Variants in TGM1 observed in about 807,000 individuals in gnomAD.
TGM1 encodes protein-glutamine gamma-glutamyltransferase K.
TGM1 carries 63 observed loss-of-function variants against 88.7 expected under a neutral mutation model. The ratio of observed to expected loss-of-function variants is 0.71; its 90% confidence interval spans 0.58 to 0.88. TGM1 has a LOEUF of 0.88. Among genes scored for constraint, TGM1 ranks in the 40% least tolerant of loss-of-function variants. TGM1 has a pLI of 0.00. For synonymous variants in TGM1, 415 were observed against 431.1 expected, an observed-to-expected ratio of 0.96 and a Z score of 0.46; for missense variants, 996 against 1,118.0, an observed-to-expected ratio of 0.89 and a Z score of 1.56.
At chr14:24,260,305 C>T (rs897714577) in intron 4 of TGM1, 145 bp downstream of exon 4, 13 of 1,371,330 alleles carry the variant, frequency 9.5e-6, no homozygotes, top group Admixed American at 2.0e-5. Flanking sequence ...CTTTCTGCAC[C>T]AGGCCTCGGT....
rs774734278 is a variant in TGM1 at position 24,254,305 on chromosome 14, C to A, written c.2089-17G>T. The A allele has an allele frequency of 2.5e-6, 4 of 1,613,962 alleles. No homozygotes were observed. The South Asian group carries it at 4.4e-5, about 18-fold the overall frequency. On this transcript the variant is annotated splice_polypyrimidine_tract_variant and intron_variant, in intron 13 of 14. Transcript: ENST00000206765. ...TCCCAGTAACTGAGAGAAAAAGAGG[C>A]CCATCCCCCACGTCAGAGACCCTGG...
At chr14:24,257,218 G>A (rs1259219568) in intron 9 of TGM1, among the ~76,000 whole-genome samples, 1 of 152,202 alleles carries the variant, frequency 6.6e-6, no homozygotes, top group Non-Finnish European at 1.5e-5. Context: ...GCACTGGGAA[G>A]AGGCCAGGGG....
rs139569235 is a variant in TGM1, at chr14:24,262,181, C to A, written c.172G>T (p.Asp58Tyr). Residue 58 changes from aspartate (D) to tyrosine (Y), a missense_variant, in exon 2 of 15, where the codon GAT becomes TAT. By Grantham distance (160) the Asp-to-Tyr change is radical. Transcript: ENST00000206765. Reference protein sequence around the residue: ...CGCCSCRNAADDDWGPEPSDS... With the variant: ...CGCCSCRNAAYDDWGPEPSDS... ...GAGGGTTCAGGTCCCCAGTCGTCATCTGCCGCATTTCGGCATGAACAGCAG... is the reference window on the plus strand; with the variant it reads ...GAGGGTTCAGGTCCCCAGTCGTCATATGCCGCATTTCGGCATGAACAGCAG... 4 of 1,613,746 alleles carry A rather than the reference C, an allele frequency of 2.5e-6. No homozygotes were observed. The highest frequency in any genetic ancestry group is 3.4e-6 in the Non-Finnish European group (4 of 1,180,040).
rs769204455 is a variant in TGM1, at chr14:24,254,928, G to C, written c.1927+44C>G. The C allele has an allele frequency of 1.9e-6, 3 of 1,613,076 alleles. No individual in the cohort carries two copies. In the Admixed American group the frequency reaches 5.0e-5, roughly 27 times the overall value. On this transcript the variant is annotated intron_variant, in intron 12 of 14. Coordinates refer to ENST00000206765, the MANE Select transcript of TGM1 (RefSeq NM_000359.3). ...GGGTCTCCATGTCCACAGCCCTGAG[G>C]TGCCCAGCCATCCAGGGGGCAGGGC...
chr14:24,259,905 C>G lies in TGM1; in HGVS notation c.876+35G>C, dbSNP rs1566379449. The G allele has an allele frequency of 1.9e-6, 3 of 1,610,406 alleles. No homozygotes were observed. Among genetic ancestry groups the G allele is most frequent in the African/African-American group, 1.3e-5 (1 of 74,994 alleles). ...AGCCCCCACACCCACCCCAGCTCCTCTGGGTGTATGTGACCCTGGCCAGCC... is the reference window on the plus strand; with the variant it reads ...AGCCCCCACACCCACCCCAGCTCCTGTGGGTGTATGTGACCCTGGCCAGCC... On this transcript the variant is annotated intron_variant, in intron 5 of 14. Transcript: ENST00000206765. This position sits in a 1 kb window ranked among gnomAD's most constrained non-coding sequence, Gnocchi z 5.7.
At position 24,255,949 on chromosome 14, in the gene TGM1, T is replaced by A. The variant is rs759790259; in HGVS notation, c.1491+40A>T. The A allele has an allele frequency of 5.3e-6, 8 of 1,507,828 alleles. No homozygotes were observed. Among genetic ancestry groups the A allele is most frequent in the African/African-American group, 1.4e-5 (1 of 72,062 alleles). 93.4% of individuals were successfully genotyped at this position (1,507,828 alleles called of 1,614,324 possible). On this transcript the variant is annotated intron_variant, in intron 10 of 14. Coordinates refer to ENST00000206765, the MANE Select transcript of TGM1 (RefSeq NM_000359.3). The surrounding 1 kb of genome is among the most constrained non-coding windows in gnomAD (Gnocchi z 4.0). Reference sequence around the variant, plus strand: ...GGTGAAGTTGGGACCAGAGAACCCATGACTGAAGCCCAAGAAGGCACCTGG... The same window carrying A: ...GGTGAAGTTGGGACCAGAGAACCCAAGACTGAAGCCCAAGAAGGCACCTGG...
In TGM1 at chr14:24,260,619, C is replaced by A; in HGVS notation, c.588G>T (p.Gln196His). The change falls in exon 4 of 15, where the codon CAG becomes CAT. Residue 196 changes from glutamine to histidine, a missense_variant. Physicochemically the swap from Gln to His is conservative, Grantham distance 24 (BLOSUM62 0). Coordinates refer to ENST00000206765, the MANE Select transcript of TGM1 (RefSeq NM_000359.3). ...GKGGSGGWKA[Q>H]VVKASGQNLN... is the part of the protein sequence containing the mutation. ...GATTCTGCCCACTGGCCTTGACCACCTGGGCTTTCCAGCCTCCACTGCCCC... is the reference window on the plus strand; with the variant it reads ...GATTCTGCCCACTGGCCTTGACCACATGGGCTTTCCAGCCTCCACTGCCCC... 6.2e-7 allele frequency: 1 copy of A among 1,614,202 alleles called. No individual in the cohort carries two copies. The highest frequency in any genetic ancestry group is 8.5e-7 in the Non-Finnish European group (1 of 1,180,028).
intron 14 of TGM1, among the ~76,000 whole-genome samples, chr14:24,250,212 C>T (rs1441726309): frequency 1.3e-5 from 2 of 150,402 alleles, no homozygotes; most frequent in South Asian, 2.1e-4. Context: ...GACAAACACA[C>T]ACACACACAC....
At position 24,249,525 on chromosome 14, in the gene TGM1, C is replaced by T; in HGVS notation, c.2242G>A (p.Glu748Lys). 6.2e-7 allele frequency: 1 copy of T among 1,614,042 alleles called. No homozygotes were observed. The highest frequency in any genetic ancestry group is 2.2e-5 in the East Asian group (1 of 44,882). Residue 748 changes from glutamate to lysine, a missense_variant, in exon 15 of 15, where the codon GAA becomes AAA. Physicochemically the swap from Glu to Lys is moderately conservative, Grantham distance 56. Transcript: ENST00000206765. ...AACGACTGGCGCAGTGTCACTGTTT[C>T]ATTGCCTCCAATGTCCCTGTGGGCA... The part of the protein sequence containing the change: ...ILNVGDIGGN[E>K]TVTLRQSFVP...
rs2040774311 is a variant in TGM1, at chr14:24,258,301, G to A, written c.1386C>T (p.Pro462=). The change falls in exon 9 of 15, where the codon CCC becomes CCT. Residue 462 remains proline, a synonymous_variant. Transcript: ENST00000206765. ...CCAGCTTACCACTGCTAGTCTCTTG[G>A]GGTGTGGCATCCACCACCTGCCACC... ...FDGWQVVDAT[P]QETSSGIFCC... 2 of 1,613,568 alleles carry A rather than the reference G, an allele frequency of 1.2e-6. No homozygotes were observed. Among genetic ancestry groups the A allele is most frequent in the Non-Finnish European group, 1.7e-6 (2 of 1,179,784 alleles).
intron 9 of TGM1, 33 bp downstream of exon 9, chr14:24,258,252 G>A (rs945254741): frequency 5.2e-6 from 8 of 1,549,314 alleles, no homozygotes; most frequent in Middle Eastern, 1.7e-4. Flanking sequence ...GAGATAAGCA[G>A]GGGCATGGTG....
At chr14:24,261,382 C>T (rs2040807228) in intron 3 of TGM1, among the ~76,000 whole-genome samples, 1 of 152,070 alleles carries the variant, frequency 6.6e-6, no homozygotes, top group Non-Finnish European at 1.5e-5. Flanking sequence ...CCAGCCACAT[C>T]CTGGGGAATG....
At chr14:24,260,203 G>T in intron 4 of TGM1, 145 bp from the exon 5 acceptor site, 1 of 947,972 alleles carries the variant, frequency 1.1e-6, no homozygotes, top group Non-Finnish European at 1.7e-6. Context: ...GGGAGGACAC[G>T]GGGAGCATGA....
intron 3 of TGM1, among the ~76,000 whole-genome samples, 175 bp from the exon 4 acceptor site, chr14:24,260,873 T>C (rs2040803153): frequency 6.6e-6 from 1 of 152,166 alleles, no homozygotes; most frequent in Non-Finnish European, 1.5e-5. Context: ...CTCCACCCAA[T>C]GCTTGCCCAC....
chr14:24,262,232 G>A lies in TGM1; in HGVS notation c.121C>T (p.Arg41Cys), dbSNP rs776286185. 1.5e-5 allele frequency: 25 copies of A among 1,613,750 alleles called. No homozygotes were observed. The highest frequency in any genetic ancestry group is 2.7e-5 in the African/African-American group (2 of 74,944). The stretch of plus-strand genomic sequence containing the variant: ...CCACAGCAGCGAGCCCAGAAGGAAC[G>A]GCCTCCTCCTCTGCGAGAGCGTCCG... ...PDGRSRRGGGRSFWARCCGCC... is the reference protein window; with the variant it reads ...PDGRSRRGGGCSFWARCCGCC... The change falls in exon 2 of 15, where the codon CGT (arginine) becomes TGT (cysteine). Residue 41 changes from arginine to cysteine, a missense_variant. Arg to Cys is a radical substitution (Grantham distance 180, BLOSUM62 -3). Transcript: ENST00000206765.
chr14:24,259,782 T>A lies in TGM1; in HGVS notation c.906A>T (p.Leu302Phe). 1 of 1,613,242 alleles carries A rather than the reference T, an allele frequency of 6.2e-7. No homozygotes were observed. The highest frequency in any genetic ancestry group is 8.5e-7 in the Non-Finnish European group (1 of 1,179,904). The change falls in exon 6 of 15, where the codon TTA becomes TTT. Residue 302 changes from leucine (L) to phenylalanine (F), a missense_variant. Physicochemically the swap from Leu to Phe is conservative, Grantham distance 22 (BLOSUM62 0). Coordinates refer to ENST00000206765, the MANE Select transcript of TGM1 (RefSeq NM_000359.3). This position sits in a 1 kb window ranked among gnomAD's most constrained non-coding sequence, Gnocchi z 5.7. ...GCATCCCCCGCCGGTCCAGGATGTATAAGCAGGCATCCAGCACCCCGTGGT... is the reference window on the plus strand; with the variant it reads ...GCATCCCCCGCCGGTCCAGGATGTAAAAGCAGGCATCCAGCACCCCGTGGT... Reference protein sequence around the residue: ...QFDHGVLDACLYILDRRGMPY... With the variant: ...QFDHGVLDACFYILDRRGMPY...
chr14:24,262,448 C>T (rs1158918950), intron 1 of TGM1, 94 bp from the exon 2 acceptor site: 26 of 1,356,658 alleles, frequency 1.9e-5, no homozygotes, highest in Middle Eastern at 2.2e-4. Context: ...CAGTCCCACC[C>T]GATGACCGAA....
chr14:24,258,578 C>T lies in TGM1; in HGVS notation c.1255G>A (p.Glu419Lys), dbSNP rs374898509. ...AGGTGCTCCAGGGGCTTCATGTTCT[C>T]GTCGAAGTAGATGTCCATGGTAAGG... is the stretch of plus-strand genomic sequence containing the variant. ...TSLTMDIYFD[E>K]NMKPLEHLNH... Residue 419 changes from glutamate to lysine, a missense_variant, in exon 8 of 15, where the codon GAG (glutamate) becomes AAG (lysine). Physicochemically the swap from Glu to Lys is moderately conservative, Grantham distance 56 (BLOSUM62 1). Transcript: ENST00000206765. The T allele has an allele frequency of 1.6e-5, 26 of 1,614,028 alleles. No homozygotes were observed. The highest frequency in any genetic ancestry group is 1.6e-4 in the Middle Eastern group (1 of 6,084).
intron 14 of TGM1, among the ~76,000 whole-genome samples, chr14:24,253,480 CAGAG>C (rs148602013): frequency 0.018 from 2,766 of 150,230 alleles, 40 homozygotes; most frequent in Non-Finnish European, 0.027. Flanking sequence ...GTGTGTGTGA[CAGAG>C]AGAGAGAGAG....
Sources: allele counts gnomAD v4.1 joint callset (sites outside exome capture counted in the v4.1 genomes callset), GRCh38; gene constraint gnomAD v4.1.1; non-coding constraint Gnocchi (gnomAD v3.1); transcripts MANE v1.5; gene names NCBI Gene and HGNC (gene_info 2026-07-23, HGNC 2026-07-21).